CENPK: variants seen among roughly 807,000 people sequenced by gnomAD.
CENPK encodes SoxLZ/Sox6-binding protein Solt.
CENPK carries 46 observed loss-of-function variants against 40.9 expected under a neutral mutation model. The ratio of observed to expected loss-of-function variants is 1.13; its 90% confidence interval spans 0.89 to 1.44. The LOEUF (loss-of-function observed/expected upper bound fraction) is 1.44, where lower values mean the gene tolerates loss of function less well. CENPK is among the 40% of genes most tolerant of loss of function. The pLI, the probability that CENPK is intolerant of heterozygous loss-of-function variation, is 0.00. For missense variants in CENPK, 288 were observed against 303.5 expected (o/e 0.95, Z 0.38); for synonymous variants, 107 against 104.4 (o/e 1.02, Z -0.15).
intron 6 of CENPK, 112 bp downstream of exon 6, chr5:65,542,690 A>T: frequency 1.3e-6 from 1 of 754,530 alleles, no homozygotes; most frequent in Non-Finnish European, 2.1e-6. Context: ...AAAGCAGAAA[A>T]TTTAATATGG....
downstream of CENPK, among the ~76,000 whole-genome samples, chr5:65,516,798 CACTT>C (rs1276090730): frequency 2.0e-5 from 3 of 152,000 alleles, no homozygotes; most frequent in East Asian, 5.8e-4. Context: ...AGCAACTTTT[CACTT>C]ACTAATTTTT....
At chr5:65,534,050 CAAAAA>C (rs60018569) in intron 6 of CENPK, among the ~76,000 whole-genome samples, 51 of 90,994 alleles carry the variant, frequency 5.6e-4, no homozygotes, top group African/African-American at 2.3e-3. Context: ...ACCGTCTCAA[CAAAAA>C]AAAAAAAAAA....
chr5:65,533,346 T>C (rs1283302646), intron 6 of CENPK, among the ~76,000 whole-genome samples: 1 of 151,914 alleles, frequency 6.6e-6, no homozygotes, highest in East Asian at 1.9e-4. Flanking sequence ...TAAGACCCTG[T>C]ATCAAAATAA....
chr5:65,514,228 ATCTTTTTTT>A (rs1457268481), downstream of CENPK, among the ~76,000 whole-genome samples: 10 of 61,642 alleles, frequency 1.6e-4, 1 homozygote, highest in Admixed American at 6.2e-4. Context: ...GCCTCACATA[ATCTTTTTTT>A]TTTTTTTTTT....
chr5:65,557,527 CA>C (rs1423136063), intron 2 of CENPK, among the ~76,000 whole-genome samples: 1 of 152,186 alleles, frequency 6.6e-6, no homozygotes, highest in Non-Finnish European at 1.5e-5. Flanking sequence ...CAAAGTAGCA[CA>C]AAAGGAAGAG....
chr5:65,533,219 C>G (rs1212626774), intron 6 of CENPK, among the ~76,000 whole-genome samples: 2 of 150,846 alleles, frequency 1.3e-5, no homozygotes, highest in Non-Finnish European at 3.0e-5. Flanking sequence ...AAAGCGGTGA[C>G]AGGTGCCTGT....
At chr5:65,535,378 G>A (rs1017154698) in intron 6 of CENPK, among the ~76,000 whole-genome samples, 1 of 152,170 alleles carries the variant, frequency 6.6e-6, no homozygotes, top group Non-Finnish European at 1.5e-5. Context: ...AAAGCTCTGA[G>A]CCCTTGGAAT....
intron 9 of CENPK, chr5:65,524,765 T>C (rs1744388278): frequency 6.5e-6 from 1 of 152,720 alleles, no homozygotes; most frequent in East Asian, 1.9e-4. Context: ...GAATAAAATA[T>C]AAATAAAATA....
chr5:65,498,652 A>T, the CENPK span, among the ~76,000 whole-genome samples: 1 of 119,204 alleles, frequency 8.4e-6, no homozygotes. Context: ...TTTTTTAGAG[A>T]CAGGGTCTGA....
At chr5:65,541,433 G>A (rs1370277661) in intron 6 of CENPK, 1 of 456,274 alleles carries the variant, frequency 2.2e-6, no homozygotes, top group Non-Finnish European at 4.4e-6. Flanking sequence ...ATCATCTGCA[G>A]AATCTGCCAA....
chr5:65,524,425 C>T (rs1309615252), intron 9 of CENPK, among the ~76,000 whole-genome samples: 7 of 148,870 alleles, frequency 4.7e-5, no homozygotes, highest in African/African-American at 1.5e-4. Flanking sequence ...CTGAGTCGGG[C>T]GGATCATAAG....
the CENPK span, among the ~76,000 whole-genome samples, chr5:65,501,645 G>C: frequency 6.6e-6 from 1 of 152,146 alleles, no homozygotes; most frequent in Non-Finnish European, 1.5e-5. Flanking sequence ...TTCTGGTGGA[G>C]GGGAAATGGG....
chr5:65,542,433 T>C (rs1374923471), intron 6 of CENPK, among the ~76,000 whole-genome samples: 2 of 152,082 alleles, frequency 1.3e-5, no homozygotes, highest in Non-Finnish European at 2.9e-5. Context: ...AGTCAGGAGT[T>C]CAAGACCAGC....
chr5:65,510,473 T>C, the CENPK span, among the ~76,000 whole-genome samples: 1 of 152,094 alleles, frequency 6.6e-6, no homozygotes, highest in African/African-American at 2.4e-5. Context: ...AGGACTGTGC[T>C]CTAATGAATG....
intron 6 of CENPK, among the ~76,000 whole-genome samples, chr5:65,534,761 G>A (rs1746571992): frequency 6.6e-6 from 1 of 152,136 alleles, no homozygotes; most frequent in Admixed American, 6.5e-5. Flanking sequence ...CCTAAATACT[G>A]AAACCTAAAA....
intron 4 of CENPK, 80 bp from the exon 5 acceptor site, chr5:65,551,716 T>C (rs6893491): frequency 0.73 from 569,218 of 779,434 alleles, 209,411 homozygotes; most frequent in East Asian, 0.9. Flanking sequence ...ATTCTTAATA[T>C]TTTAAAACTT....
At chr5:65,536,324 G>A (rs926675923) in intron 6 of CENPK, among the ~76,000 whole-genome samples, 11 of 152,084 alleles carry the variant, frequency 7.2e-5, no homozygotes, top group African/African-American at 1.7e-4. Flanking sequence ...GTAAAGAATC[G>A]TTATCTTAGC....
chr5:65,542,902 A>T, intron 5 of CENPK, 54 bp from the exon 6 acceptor site: 1 of 1,491,800 alleles, frequency 6.7e-7, no homozygotes, highest in Non-Finnish European at 9.2e-7. Flanking sequence ...ATTCTCAAAA[A>T]TCAAGAATTT....
chr5:65,551,670 G>C (rs1298871293), intron 4 of CENPK, 34 bp from the exon 5 acceptor site: 1 of 1,188,162 alleles, frequency 8.4e-7, no homozygotes. Flanking sequence ...ATTTTCTGTG[G>C]ACTATTCATA....
Sources: gnomAD v4.1 joint callset for allele counts (sites outside exome capture counted in the v4.1 genomes callset) on GRCh38, gnomAD v4.1.1 for gene constraint, MANE v1.5 for transcripts, NCBI Gene and HGNC (gene_info 2026-07-23, HGNC 2026-07-21) for gene names.